Variants in ARNT2 observed in about 807,000 individuals in gnomAD.
ARNT2 encodes the protein aryl hydrocarbon receptor nuclear translocator 2.
A neutral mutation model predicts 91.7 loss-of-function variants in ARNT2; 36 were observed. The ratio of observed to expected loss-of-function variants is 0.39; its 90% CI spans 0.30 to 0.52. ARNT2 has a LOEUF of 0.52. Among genes scored for constraint, ARNT2 ranks in the 20% least tolerant of loss-of-function variants. ARNT2 has a pLI of 0.72. For missense variants in ARNT2, 775 were observed against 939.3 expected (o/e 0.83, Z 2.29); for synonymous variants, 365 against 347.1 (o/e 1.05, Z -0.57).
Position 80,597,144 on chromosome 15 carries a change from T to G in ARNT2, c.*3446T>G. Reference sequence around the variant, plus strand: ...ACATGTTCTCCAGATTAGCCACACATGCAAACATCAGTGTCCTTCTAGCTT... The same window carrying G: ...ACATGTTCTCCAGATTAGCCACACAGGCAAACATCAGTGTCCTTCTAGCTT... On this transcript the variant is annotated 3_prime_UTR_variant, in exon 19 of 19. Coordinates refer to ENST00000303329, the MANE Select transcript of ARNT2 (RefSeq NM_014862.4). The G allele has an allele frequency of 1.9e-6, 1 of 518,788 alleles. No homozygotes were observed. Among genetic ancestry groups the G allele is most frequent in the South Asian group, 1.4e-5 (1 of 71,538 alleles). 32.1% of individuals were successfully genotyped at this position (518,788 alleles called of 1,614,324 possible). A position where few individuals can be genotyped will look rare whatever the true frequency, so the allele number is the denominator to read the frequency against.
intron 1 of ARNT2, chr15:80,444,495 G>A (rs1372490047): frequency 1.3e-5 from 2 of 151,182 alleles, no homozygotes; most frequent in Non-Finnish European, 2.9e-5. Context: ...TCTGTGAGTG[G>A]TGCATGTGTG....
At chr15:80,479,157 AG>A (rs1484446641) in intron 5 of ARNT2, among the ~76,000 whole-genome samples, 2 of 152,186 alleles carry the variant, frequency 1.3e-5, no homozygotes, top group Non-Finnish European at 2.9e-5. Flanking sequence ...GCATGTGCAC[AG>A]GGGAGGGGAC....
chr15:80,514,531 G>C (rs1399001898), intron 8 of ARNT2, 126 bp downstream of exon 8: 1 of 796,202 alleles, frequency 1.3e-6, no homozygotes, highest in Non-Finnish European at 2.0e-6. Flanking sequence ...TTTGTGGTTA[G>C]AACACAATGA....
chr15:80,444,039 T>C (rs372607032), intron 1 of ARNT2, among the ~76,000 whole-genome samples: 13 of 152,352 alleles, frequency 8.5e-5, no homozygotes, highest in African/African-American at 2.4e-4. Flanking sequence ...ACCAGATGCC[T>C]GTCTTTTCCA....
intron 1 of ARNT2, among the ~76,000 whole-genome samples, chr15:80,433,263 TTTTATTTTA>T (rs1896037693): frequency 4.1e-5 from 2 of 49,044 alleles, no homozygotes; most frequent in East Asian, 1.0e-3. Context: ...TTTTATTTTA[TTTTATTTTA>T]TTTTATTTTA....
Position 80,479,001 on chromosome 15 carries a change from G to A in ARNT2, c.622+3778G>A, listed in dbSNP as rs141592795. On this transcript the variant is annotated intron_variant, in intron 5 of 18. Coordinates refer to ENST00000303329, the MANE Select transcript of ARNT2 (RefSeq NM_014862.4). ...TGAGGCGAGGCAGGGAGCCAGGCAA[G>A]GCCTGCTGGAGTGGAGGTGGCTTAA... Among the ~76,000 whole-genome samples the A allele has an allele frequency of 8.3e-4, 126 of 152,310 alleles. 1 individual carries two copies. Among genetic ancestry groups the A allele is most frequent in the Non-Finnish European group, 1.5e-3 (104 of 68,024 alleles).
At position 80,507,707 on chromosome 15, in the gene ARNT2, A is replaced by T. The variant is rs148421203; in HGVS notation, c.623-449A>T. On this transcript the variant is annotated intron_variant, in intron 5 of 18. Coordinates refer to ENST00000303329, the MANE Select transcript of ARNT2 (RefSeq NM_014862.4). ...GAGCAGAGAGGAGAGAGGAATCGGG[A>T]GCGCTCTGTCCGAAGCCAGGGGAGG... Among the ~76,000 whole-genome samples the T allele has an allele frequency of 1.7e-3, 252 of 152,312 alleles. 8 individuals are homozygous for T. Among genetic ancestry groups the T allele is most frequent in the South Asian group, 0.011 (52 of 4,828 alleles).
intron 1 of ARNT2, among the ~76,000 whole-genome samples, chr15:80,412,418 C>T (rs907109555): frequency 2.6e-5 from 4 of 152,232 alleles, no homozygotes; most frequent in Middle Eastern, 3.4e-3. Context: ...TTGGAAAATG[C>T]ACAAAAACAC....
In ARNT2 at chr15:80,470,245, C is replaced by T; in HGVS notation, c.222C>T (p.Arg74=). The part of the protein sequence containing the change: ...SRENHSEIER[R]RRNKMTQYIT... ...AGAATCATAGTGAAATCGAAAGGCG[C>T]AGACGGAACAAGATGACTCAGTACA... The change falls in exon 4 of 19, where the codon CGC becomes CGT. Residue 74 remains arginine, a synonymous_variant. Transcript: ENST00000303329. 1.2e-6 allele frequency: 2 copies of T among 1,614,148 alleles called. No individual in the cohort carries two copies. The highest frequency in any genetic ancestry group is 4.5e-5 in the East Asian group (2 of 44,876).
At chr15:80,522,899 G>A (rs928588642) in intron 8 of ARNT2, among the ~76,000 whole-genome samples, 1 of 151,060 alleles carries the variant, frequency 6.6e-6, no homozygotes, top group Non-Finnish European at 1.5e-5. Context: ...GATATTGTTT[G>A]CCAAAGGCCT....
At chr15:80,482,525 A>T (rs939983052) in intron 5 of ARNT2, among the ~76,000 whole-genome samples, 1 of 152,228 alleles carries the variant, frequency 6.6e-6, no homozygotes, top group African/African-American at 2.4e-5. Context: ...GCTGCTACAA[A>T]GTAGAGCTCG....
chr15:80,472,743 G>A (rs1287197719), intron 4 of ARNT2, among the ~76,000 whole-genome samples: 1 of 152,232 alleles, frequency 6.6e-6, no homozygotes, highest in African/African-American at 2.4e-5. Context: ...TGGTTGTGGT[G>A]AGGAAGGCAA....
chr15:80,514,533 A>G, intron 8 of ARNT2, 128 bp downstream of exon 8: 1 of 796,136 alleles, frequency 1.3e-6, no homozygotes, highest in Non-Finnish European at 2.0e-6. Flanking sequence ...TGTGGTTAGA[A>G]CACAATGATC....
intron 5 of ARNT2, among the ~76,000 whole-genome samples, chr15:80,479,170 A>G (rs1896850050): frequency 6.6e-6 from 1 of 152,224 alleles, no homozygotes; most frequent in Non-Finnish European, 1.5e-5. Flanking sequence ...GGAGGGGACA[A>G]GAAACCTGAC....
intron 5 of ARNT2, among the ~76,000 whole-genome samples, chr15:80,499,069 A>G (rs1240583965): frequency 1.3e-5 from 2 of 152,240 alleles, no homozygotes; most frequent in African/African-American, 4.8e-5. Context: ...GGCAGGGGCT[A>G]TAGAGGAGGG....
At position 80,574,155 on chromosome 15, in the gene ARNT2, C is replaced by A; in HGVS notation, c.1324C>A (p.Gln442Lys). ...ICTNTNVKQL[Q>K]QQQAELEVHQ... ...TGTCTTCTTGTTTCACAGGCAACTT[C>A]AGCAACAGCAGGCAGAATTGGAAGT... Residue 442 changes from glutamine (Q) to lysine (K), a missense_variant, in exon 13 of 19, where the codon CAG becomes AAG. By Grantham distance (53) the Gln-to-Lys change is moderately conservative. Around this residue, in one of 5 missense-constraint regions of ARNT2, gnomAD observed 325 missense variants for 359.9 expected, o/e 0.90. Coordinates refer to ENST00000303329, the MANE Select transcript of ARNT2 (RefSeq NM_014862.4). The A allele has an allele frequency of 6.2e-7, 1 of 1,614,202 alleles. No homozygotes were observed. The highest frequency in any genetic ancestry group is 8.5e-7 in the Non-Finnish European group (1 of 1,180,022).
chr15:80,577,941 G>T lies in ARNT2; in HGVS notation c.1613+976G>T, dbSNP rs553748239. Among the ~76,000 whole-genome samples, 3 of 152,364 alleles carry T rather than the reference G, an allele frequency of 2.0e-5. No homozygotes were observed. In the South Asian group the frequency reaches 6.2e-4, roughly 32 times the overall value. ...CCTCTGGTCTGGGGACAGCAGACAA[G>T]ATGGCAGCCCTCTGTGAGCAGTCCC... On this transcript the variant is annotated intron_variant, in intron 15 of 18. Transcript: ENST00000303329.
At chr15:80,458,176 A>T (rs1241175753) in intron 3 of ARNT2, among the ~76,000 whole-genome samples, 200 bp downstream of exon 3, 1 of 152,150 alleles carries the variant, frequency 6.6e-6, no homozygotes, top group Non-Finnish European at 1.5e-5. Context: ...GATGATCAAA[A>T]GGTAAGTAAT....
chr15:80,510,169 G>T (rs908128772), intron 6 of ARNT2, among the ~76,000 whole-genome samples: 6 of 152,120 alleles, frequency 3.9e-5, no homozygotes, highest in African/African-American at 1.2e-4. Flanking sequence ...TTCAGGCAGG[G>T]TGTGAGGAAA....
Sources: allele counts gnomAD v4.1 joint callset (sites outside exome capture counted in the v4.1 genomes callset), GRCh38; gene constraint gnomAD v4.1.1; regional missense constraint gnomAD v4.1.1; transcripts MANE v1.5; gene names NCBI Gene and HGNC (gene_info 2026-07-23, HGNC 2026-07-21).